PAFAH1B1: variants seen among roughly 807,000 people sequenced by gnomAD.
PAFAH1B1 encodes the protein platelet activating factor acetylhydrolase 1b regulatory subunit 1.
Under a neutral mutation model 57.5 loss-of-function variants are expected in PAFAH1B1, and 2 were observed. That is an observed-to-expected ratio of 0.03 (90% CI 0.01 to 0.11). The LOEUF is 0.11. Among genes scored for constraint, PAFAH1B1 ranks in the 10% least tolerant of loss-of-function variants. PAFAH1B1 has a pLI of 1.00. For missense variants in PAFAH1B1, 257 were observed against 512.0 expected, an observed-to-expected ratio of 0.50 and a Z score of 4.81; for synonymous variants, 152 against 169.6, an observed-to-expected ratio of 0.90 and a Z score of 0.81.
At chr17:2,603,358 C>T (rs1450012815) in intron 1 of PAFAH1B1, among the ~76,000 whole-genome samples, 5 of 152,110 alleles carry the variant, frequency 3.3e-5, no homozygotes, top group Admixed American at 1.3e-4. Flanking sequence ...CGGTGGCTCA[C>T]GCCTGTAATC....
chr17:2,600,987 G>A (rs1453127765), intron 1 of PAFAH1B1, among the ~76,000 whole-genome samples: 1 of 152,012 alleles, frequency 6.6e-6, no homozygotes, highest in African/African-American at 2.4e-5. Context: ...CCACTTCAGT[G>A]TCTGAAAGTG....
chr17:2,642,887 T>A (rs1567542525), intron 2 of PAFAH1B1, among the ~76,000 whole-genome samples: 2 of 152,182 alleles, frequency 1.3e-5, no homozygotes, highest in Non-Finnish European at 1.5e-5. Flanking sequence ...TTAATTTTTT[T>A]AATATATAAA....
intron 8 of PAFAH1B1, 73 bp downstream of exon 8, chr17:2,674,361 C>T: frequency 1.8e-6 from 2 of 1,118,708 alleles, no homozygotes; most frequent in Non-Finnish European, 2.7e-6. Context: ...TGCTAATTCC[C>T]TGTTTCAGGG....
At chr17:2,649,095 G>T (rs1050055865) in intron 2 of PAFAH1B1, among the ~76,000 whole-genome samples, 1 of 151,052 alleles carries the variant, frequency 6.6e-6, no homozygotes, top group Non-Finnish European at 1.5e-5. Flanking sequence ...CCTGTAACCC[G>T]AGCACTTTGG....
At chr17:2,658,616 G>T (rs1370397052) in intron 2 of PAFAH1B1, among the ~76,000 whole-genome samples, 2 of 152,060 alleles carry the variant, frequency 1.3e-5, no homozygotes, top group African/African-American at 4.8e-5. Flanking sequence ...TAGTATACTG[G>T]GTACAGGGTT....
chr17:2,646,121 G>A lies in PAFAH1B1; in HGVS notation c.32+7801G>A, dbSNP rs533869163. ...ATAAGAACGACAAAATAAGTCTAAA[G>A]AAAGCAGGAAAGGGGAAGAATTAAT... On this transcript the variant is annotated intron_variant, in intron 2 of 10. Coordinates refer to ENST00000397195, the MANE Select transcript of PAFAH1B1 (RefSeq NM_000430.4). 6.4e-4 allele frequency among the ~76,000 whole-genome samples: 98 copies of A among 152,046 alleles called. 1 individual carries two copies. The highest frequency in any genetic ancestry group is 9.0e-4 in the Non-Finnish European group (61 of 67,972).
intron 1 of PAFAH1B1, among the ~76,000 whole-genome samples, chr17:2,606,453 C>T (rs2068205097): frequency 2.0e-5 from 3 of 151,998 alleles, no homozygotes; most frequent in Admixed American, 2.0e-4. Context: ...GCAACCTCTG[C>T]TTCCTGGGTT....
chr17:2,595,639 A>G (rs1349380582), intron 1 of PAFAH1B1, among the ~76,000 whole-genome samples: 2 of 152,170 alleles, frequency 1.3e-5, no homozygotes. Context: ...TAGCAGTTGC[A>G]AATTGCAGTT....
intron 2 of PAFAH1B1, among the ~76,000 whole-genome samples, chr17:2,649,821 A>G (rs924254522): frequency 6.6e-5 from 10 of 152,228 alleles, no homozygotes; most frequent in African/African-American, 2.4e-4. Context: ...ACCTGAATCT[A>G]TCAGATATAC....
At chr17:2,609,501 AT>A (rs1296937091) in intron 1 of PAFAH1B1, 1 of 151,838 alleles carries the variant, frequency 6.6e-6, no homozygotes, top group Non-Finnish European at 1.5e-5. Context: ...AAAAGAGCAT[AT>A]TTTTCTGGAA....
At chr17:2,677,722 C>T (rs562331782) in intron 9 of PAFAH1B1, among the ~76,000 whole-genome samples, 3 of 151,494 alleles carry the variant, frequency 2.0e-5, no homozygotes, top group African/African-American at 2.4e-5. Context: ...GGCATCCTGG[C>T]GGGTGCCTGT....
Position 2,680,290 on chromosome 17 carries a change from A to C in PAFAH1B1, c.1129A>C (p.Asn377His). Residue 377 changes from asparagine to histidine, a missense_variant, in exon 10 of 11, where the codon AAT (asparagine) becomes CAT (histidine). Physicochemically the swap from Asn to His is moderately conservative, Grantham distance 68 (BLOSUM62 1). Coordinates refer to ENST00000397195, the MANE Select transcript of PAFAH1B1 (RefSeq NM_000430.4). ...YKNKRCMKTL[N>H]AHEHFVTSLD... ...GAACAAGCGATGCATGAAGACCCTC[A>C]ATGCGCATGAACACTTTGTTACCTC... 6.2e-7 allele frequency: 1 copy of C among 1,613,898 alleles called. No homozygotes were observed. The highest frequency in any genetic ancestry group is 8.5e-7 in the Non-Finnish European group (1 of 1,179,756).
Position 2,674,084 on chromosome 17 carries a change from A to C in PAFAH1B1, c.696A>C (p.Gly232=). 6.2e-7 allele frequency: 1 copy of C among 1,613,260 alleles called. No individual in the cohort carries two copies. Among genetic ancestry groups the C allele is most frequent in the Non-Finnish European group, 8.5e-7 (1 of 1,179,332 alleles). Residue 232 remains glycine, a synonymous_variant, in exon 8 of 11, where the codon GGA becomes GGC. Coordinates refer to ENST00000397195, the MANE Select transcript of PAFAH1B1 (RefSeq NM_000430.4). ...QTGYCVKTFT[G]HREWVRMVRP... ...GCTACTGTGTGAAGACATTCACAGG[A>C]CACAGAGAATGGGTACGTATGGTAC... is the stretch of plus-strand genomic sequence containing the variant.
intron 1 of PAFAH1B1, 70 bp from the exon 2 acceptor site, chr17:2,638,029 T>A (rs915023814): frequency 8.3e-5 from 40 of 482,334 alleles, no homozygotes; most frequent in Non-Finnish European, 1.3e-4. Context: ...TGAAAATGAG[T>A]ACTGTAACTA....
chr17:2,670,163 G>A lies in PAFAH1B1; in HGVS notation c.400G>A (p.Val134Met). 1.2e-6 allele frequency: 2 copies of A among 1,614,010 alleles called. No individual in the cohort carries two copies. The highest frequency in any genetic ancestry group is 2.2e-5 in the East Asian group (1 of 44,882). The change falls in exon 6 of 11, where the codon GTG becomes ATG. Residue 134 changes from valine to methionine, a missense_variant and splice_region_variant. Transcript: ENST00000397195. ...VSASEDATIKVWDYETGDFER... is the reference protein window; with the variant it reads ...VSASEDATIKMWDYETGDFER... ...AACCAATTTTCTGTTCACTTGACAG[G>A]TGTGGGATTATGAGACTGGAGATTT...
At chr17:2,635,144 A>G (rs1597539176) in intron 1 of PAFAH1B1, among the ~76,000 whole-genome samples, 1 of 150,512 alleles carries the variant, frequency 6.6e-6, no homozygotes, top group Non-Finnish European at 1.5e-5. Context: ...GGGCAACAAG[A>G]GTGAAACTCT....
intron 1 of PAFAH1B1, among the ~76,000 whole-genome samples, chr17:2,606,974 G>A (rs984955639): frequency 2.7e-5 from 4 of 149,956 alleles, no homozygotes; most frequent in Non-Finnish European, 3.0e-5. Context: ...ACAGGTGCCC[G>A]CCACCACGCC....
Position 2,672,815 on chromosome 17 carries a change from A to G in PAFAH1B1, c.671+58A>G, listed in dbSNP as rs951325439. On this transcript the variant is annotated intron_variant, in intron 7 of 10. Coordinates refer to ENST00000397195, the MANE Select transcript of PAFAH1B1 (RefSeq NM_000430.4). ...CCAGGTGCAGTGGCTCACACCTGTCATCCCAGCGCTTTGGGAGGCCAAGGT... is the reference window on the plus strand; with the variant it reads ...CCAGGTGCAGTGGCTCACACCTGTCGTCCCAGCGCTTTGGGAGGCCAAGGT... The G allele has an allele frequency of 3.6e-6, 4 of 1,105,222 alleles. No homozygotes were observed. In the African/African-American group the frequency reaches 6.2e-5, roughly 17 times the overall value. 68.5% of individuals were successfully genotyped at this position (1,105,222 alleles called of 1,614,324 possible). A position where few individuals can be genotyped will look rare whatever the true frequency, so the allele number is the denominator to read the frequency against.
At chr17:2,650,639 CAAAAAA>C (rs10582467) in intron 2 of PAFAH1B1, among the ~76,000 whole-genome samples, 47 of 108,842 alleles carry the variant, frequency 4.3e-4, no homozygotes, top group African/African-American at 1.4e-3. Context: ...GACTCTGTCT[CAAAAAA>C]AAAAAAAAAA....
Sources: allele counts gnomAD v4.1 joint callset (sites outside exome capture counted in the v4.1 genomes callset), GRCh38; gene constraint gnomAD v4.1.1; transcripts MANE v1.5; gene names NCBI Gene and HGNC (gene_info 2026-07-23, HGNC 2026-07-21).